INTS6: variants seen among roughly 807,000 people sequenced by gnomAD.
INTS6 encodes DEAD box protein.
A neutral mutation model predicts 104.9 loss-of-function variants in INTS6; 16 were observed. The observed-to-expected ratio is 0.15, with a 90% confidence interval of 0.10 to 0.23. INTS6 has a LOEUF of 0.23. Among genes scored for constraint, INTS6 ranks in the 10% least tolerant of loss-of-function variants. The pLI is 1.00. For synonymous variants in INTS6, 324 were observed against 358.7 expected, an observed-to-expected ratio of 0.90 and a Z score of 1.09; for missense variants, 584 against 1,062.8, an observed-to-expected ratio of 0.55 and a Z score of 6.26.
intron 5 of INTS6, among the ~76,000 whole-genome samples, chr13:51,393,027 C>T (rs1005371702): frequency 4.6e-5 from 7 of 151,408 alleles, no homozygotes; most frequent in Non-Finnish European, 8.8e-5. Flanking sequence ...TGAATTACTC[C>T]ATAATGGGAA....
intron 3 of INTS6, chr13:51,449,592 TAAC>T: frequency 1.0e-6 from 1 of 985,328 alleles, no homozygotes; most frequent in Non-Finnish European, 1.2e-6. Context: ...TGCCATACAC[TAAC>T]AACATGACAA....
chr13:51,392,202 C>T (rs75626266), intron 5 of INTS6, among the ~76,000 whole-genome samples: 1,736 of 152,274 alleles, frequency 0.011, 26 homozygotes, highest in East Asian at 0.071. Flanking sequence ...CGTCACCTCC[C>T]GTAAAAAGCC....
At chr13:51,348,844 T>C in the INTS6 span, among the ~76,000 whole-genome samples, 1 of 152,282 alleles carries the variant, frequency 6.6e-6, no homozygotes, top group Non-Finnish European at 1.5e-5. Flanking sequence ...ACTTACGTAA[T>C]TGAGCAAGTA....
At chr13:51,376,629 G>A (rs1351051774) in intron 12 of INTS6, among the ~76,000 whole-genome samples, 23 of 152,078 alleles carry the variant, frequency 1.5e-4, no homozygotes, top group Admixed American at 1.5e-3. Flanking sequence ...GTACCCACTT[G>A]CAGTCAATCA....
intron 4 of INTS6, among the ~76,000 whole-genome samples, chr13:51,409,149 C>A (rs1842741962): frequency 6.6e-6 from 1 of 151,756 alleles, no homozygotes; most frequent in Non-Finnish European, 1.5e-5. Context: ...ACCTTTTTAG[C>A]ACCATGAGTT....
At chr13:51,360,420 T>C, downstream of INTS6, among the ~76,000 whole-genome samples, 1 of 152,044 alleles carries the variant, frequency 6.6e-6, no homozygotes, top group Non-Finnish European at 1.5e-5. Flanking sequence ...CACTCTAAAA[T>C]GAAAGGATTG....
chr13:51,400,821 G>A (rs1475048936), intron 4 of INTS6, among the ~76,000 whole-genome samples: 19 of 151,886 alleles, frequency 1.3e-4, no homozygotes, highest in Admixed American at 1.2e-3. Context: ...AAAGAGGGAG[G>A]AAAGTGACAC....
chr13:51,376,575 T>C (rs1203816669), intron 12 of INTS6, among the ~76,000 whole-genome samples: 3 of 152,318 alleles, frequency 2.0e-5, no homozygotes, highest in Admixed American at 6.5e-5. Context: ...TTTATAGTTG[T>C]GAAACCATCA....
At chr13:51,355,889 T>C (rs1593645461) in intron 3 of INTS6, among the ~76,000 whole-genome samples, 1 of 152,208 alleles carries the variant, frequency 6.6e-6, no homozygotes, top group African/African-American at 2.4e-5. Context: ...AAGATGATAC[T>C]GTAGCTGGTA....
At chr13:51,387,609 A>T (rs898072328) in intron 6 of INTS6, 69 bp from the exon 7 acceptor site, 18 of 1,157,316 alleles carry the variant, frequency 1.6e-5, no homozygotes, top group Non-Finnish European at 2.1e-5. Flanking sequence ...AAGTTAAATT[A>T]TATCAATTAT....
At chr13:51,351,195 C>A (rs1442035489), downstream of INTS6, among the ~76,000 whole-genome samples, 1 of 152,108 alleles carries the variant, frequency 6.6e-6, no homozygotes, top group Non-Finnish European at 1.5e-5. Context: ...CATGTGGTAA[C>A]CCTACATTTT....
At chr13:51,343,540 C>T in the INTS6 span, among the ~76,000 whole-genome samples, 3 of 152,248 alleles carry the variant, frequency 2.0e-5, no homozygotes, top group South Asian at 4.1e-4. Flanking sequence ...CTGCCATCCA[C>T]GAAGGTGGAA....
Position 51,362,526 on chromosome 13 carries a change from C to A in INTS6, c.*3226G>T, listed in dbSNP as rs1353210774. ...TCTTTAGATTATTTCTCTTAATGTT[C>A]TTCCTCCCCCACTCACAATTACTTA... On this transcript the variant is annotated 3_prime_UTR_variant, in exon 18 of 18. Coordinates refer to ENST00000311234, the MANE Select transcript of INTS6 (RefSeq NM_012141.3). 6.6e-6 allele frequency: 1 copy of A among 152,526 alleles called. No individual in the cohort carries two copies. The highest frequency in any genetic ancestry group is 1.5e-5 in the Non-Finnish European group (1 of 68,088). The allele number at this position is 152,526 out of a possible 1,614,324, so 9.4% of individuals were successfully genotyped here. A position where few individuals can be genotyped will look rare whatever the true frequency, so the allele number is the denominator to read the frequency against.
At chr13:51,422,815 C>T (rs1028030187) in intron 4 of INTS6, among the ~76,000 whole-genome samples, 2 of 152,140 alleles carry the variant, frequency 1.3e-5, no homozygotes, top group African/African-American at 4.8e-5. Context: ...CCTACCTATA[C>T]TTTCCATACT....
chr13:51,337,349 G>A, the INTS6 span, among the ~76,000 whole-genome samples: 1 of 152,284 alleles, frequency 6.6e-6, no homozygotes, highest in African/African-American at 2.4e-5. Context: ...TATAAGAATC[G>A]GCTAGTGAAA....
At chr13:51,373,553 C>T (rs1311284829) in intron 15 of INTS6, among the ~76,000 whole-genome samples, 1 of 152,194 alleles carries the variant, frequency 6.6e-6, no homozygotes, top group Non-Finnish European at 1.5e-5. Flanking sequence ...TACCTCATTC[C>T]CAACACCCTT....
downstream of INTS6, among the ~76,000 whole-genome samples, chr13:51,359,000 G>C (rs574200447): frequency 7.2e-5 from 11 of 152,192 alleles, no homozygotes; most frequent in African/African-American, 2.2e-4. Context: ...CAGATTAGCA[G>C]CTCTAAGAAG....
At chr13:51,429,785 A>AAAAAAAATT (rs1156333077) in intron 4 of INTS6, among the ~76,000 whole-genome samples, 1 of 92,358 alleles carries the variant, frequency 1.1e-5, no homozygotes, top group African/African-American at 4.6e-5. Context: ...AAAAAAAAAA[A>AAAAAAAATT]ATATATATAT....
chr13:51,406,899 A>ATTTT (rs562144778), intron 4 of INTS6, among the ~76,000 whole-genome samples: 3 of 135,882 alleles, frequency 2.2e-5, no homozygotes, highest in African/African-American at 8.1e-5. Context: ...TTTTTTTGTG[A>ATTTT]TTTTTTTTTT....
Sources: gnomAD v4.1 joint callset for allele counts (sites outside exome capture counted in the v4.1 genomes callset) on GRCh38, gnomAD v4.1.1 for gene constraint, MANE v1.5 for transcripts, NCBI Gene and HGNC (gene_info 2026-07-23, HGNC 2026-07-21) for gene names.